Variants in KCND2 observed in about 807,000 individuals in gnomAD.
KCND2 encodes the protein potassium voltage-gated channel subfamily D member 2, also known as A-type voltage-gated potassium channel KCND2.
In KCND2, 16 loss-of-function variants were observed where a neutral mutation model predicts 54.4. The ratio of observed to expected loss-of-function variants is 0.29; its 90% CI spans 0.20 to 0.45. KCND2 has a LOEUF of 0.45. KCND2 is among the 20% of genes least tolerant of loss of function. KCND2 has a pLI of 1.00. For synonymous variants in KCND2, 317 were observed against 310.7 expected, an observed-to-expected ratio of 1.02 and a Z score of -0.21; for missense variants, 486 against 824.2, an observed-to-expected ratio of 0.59 and a Z score of 5.02.
chr7:120,431,171 T>A (rs1801783703), intron 1 of KCND2, among the ~76,000 whole-genome samples: 1 of 152,124 alleles, frequency 6.6e-6, no homozygotes, highest in Non-Finnish European at 1.5e-5. Context: ...AAGAAATTAG[T>A]AAAAGGTAAA....
At chr7:120,412,284 A>G (rs958834852) in intron 1 of KCND2, among the ~76,000 whole-genome samples, 16 of 152,046 alleles carry the variant, frequency 1.1e-4, no homozygotes, top group African/African-American at 3.9e-4. Context: ...CTCTCTTGAA[A>G]ATTCAGAATG....
intron 1 of KCND2, among the ~76,000 whole-genome samples, chr7:120,507,001 A>G (rs1039625158): frequency 4.0e-5 from 6 of 151,876 alleles, no homozygotes; most frequent in Non-Finnish European, 2.9e-5. Context: ...ACACCTGTGC[A>G]TTTACATGTA....
rs375895332 is a variant in KCND2 at position 120,319,889 on chromosome 7, A to G, written c.1115+44142A>G. Among the ~76,000 whole-genome samples, 4 of 152,122 alleles carry G rather than the reference A, an allele frequency of 2.6e-5. No individual in the cohort carries two copies. The East Asian group carries it at 5.8e-4, about 22-fold the overall frequency. On this transcript the variant is annotated intron_variant, in intron 1 of 5. Coordinates refer to ENST00000331113, the MANE Select transcript of KCND2 (RefSeq NM_012281.3). ...TTAGTATCATGCTGCTTTTAAAGCCATGCAGTTTTTTGTTTTTTGTTCTTC... is the reference window on the plus strand; with the variant it reads ...TTAGTATCATGCTGCTTTTAAAGCCGTGCAGTTTTTTGTTTTTTGTTCTTC...
intron 1 of KCND2, among the ~76,000 whole-genome samples, chr7:120,408,777 C>G (rs1056744019): frequency 6.6e-6 from 1 of 151,722 alleles, no homozygotes; most frequent in Non-Finnish European, 1.5e-5. Flanking sequence ...TACTCTTTTT[C>G]CCTCCTTCTT....
chr7:120,747,120 C>T (rs889427781), intron 5 of KCND2, among the ~76,000 whole-genome samples: 5 of 152,090 alleles, frequency 3.3e-5, no homozygotes, highest in Non-Finnish European at 7.4e-5. Flanking sequence ...CTTTTATCCC[C>T]TTCCCCACAT....
chr7:120,608,065 T>A (rs1390314330), intron 1 of KCND2, among the ~76,000 whole-genome samples: 1 of 151,938 alleles, frequency 6.6e-6, no homozygotes, highest in African/African-American at 2.4e-5. Flanking sequence ...ATTACAAAAT[T>A]AGACCTATGT....
chr7:120,481,210 A>C (rs2116280246), intron 1 of KCND2, among the ~76,000 whole-genome samples: 1 of 152,302 alleles, frequency 6.6e-6, no homozygotes, highest in Non-Finnish European at 1.5e-5. Flanking sequence ...TTCATGCCTG[A>C]GGGCTTTATG....
At chr7:120,686,514 T>A (rs138843153) in intron 1 of KCND2, among the ~76,000 whole-genome samples, 120 of 152,008 alleles carry the variant, frequency 7.9e-4, no homozygotes, top group Non-Finnish European at 1.5e-3. Context: ...TAAGACAGAG[T>A]TGGAGGCAAG....
intron 1 of KCND2, among the ~76,000 whole-genome samples, chr7:120,672,304 A>G (rs2116574780): frequency 6.6e-6 from 1 of 152,236 alleles, no homozygotes; most frequent in South Asian, 2.1e-4. Flanking sequence ...TCATTCACTC[A>G]AACTCTAAAA....
intron 1 of KCND2, among the ~76,000 whole-genome samples, chr7:120,372,350 T>G (rs1584751434): frequency 6.6e-6 from 1 of 151,878 alleles, no homozygotes; most frequent in Non-Finnish European, 1.5e-5. Context: ...CAAGTTGATC[T>G]GAAAATGAAA....
At chr7:120,564,021 C>T (rs1363112696) in intron 1 of KCND2, among the ~76,000 whole-genome samples, 1 of 151,916 alleles carries the variant, frequency 6.6e-6, no homozygotes, top group Middle Eastern at 3.2e-3. Flanking sequence ...AGACATATAC[C>T]AGCAGAAGAA....
intron 1 of KCND2, among the ~76,000 whole-genome samples, chr7:120,579,011 A>T (rs186280291): frequency 6.6e-6 from 1 of 152,170 alleles, no homozygotes; most frequent in Admixed American, 6.5e-5. Flanking sequence ...ATAAAATAAA[A>T]TTTTTTCCTA....
chr7:120,643,319 T>C (rs896331768), intron 1 of KCND2, among the ~76,000 whole-genome samples: 2 of 152,122 alleles, frequency 1.3e-5, no homozygotes, highest in African/African-American at 4.8e-5. Context: ...AATGTCAACA[T>C]AGAATGAGAA....
chr7:120,633,500 A>G (rs1793264352), intron 1 of KCND2, among the ~76,000 whole-genome samples: 1 of 152,232 alleles, frequency 6.6e-6, no homozygotes, highest in Non-Finnish European at 1.5e-5. Flanking sequence ...TTACTTTGAC[A>G]ATAAAATACA....
At chr7:120,506,127 A>T (rs1046152956) in intron 1 of KCND2, among the ~76,000 whole-genome samples, 1 of 151,348 alleles carries the variant, frequency 6.6e-6, no homozygotes, top group Non-Finnish European at 1.5e-5. Flanking sequence ...GATTTTTGAA[A>T]TTTTTTTTTC....
intron 1 of KCND2, among the ~76,000 whole-genome samples, chr7:120,335,631 G>A (rs191629434): frequency 4.5e-4 from 68 of 151,498 alleles, no homozygotes; most frequent in African/African-American, 1.4e-3. Context: ...GACTACAGGC[G>A]CCCCCCACCA....
In KCND2 at chr7:120,588,688, G is replaced by T. The variant is rs186941458; in HGVS notation, c.1116-144215G>T. ...AAGCTTGTGAAGAAAACTGTGTTCA[G>T]TCACCAATTACAATGAAAACTCTAA... On this transcript the variant is annotated intron_variant, in intron 1 of 5. Transcript: ENST00000331113. 3.5e-4 allele frequency among the ~76,000 whole-genome samples: 54 copies of T among 152,260 alleles called. 1 individual carries two copies. In the East Asian group the frequency reaches 0.01, roughly 29 times the overall value.
At chr7:120,302,300 C>T (rs903006872) in intron 1 of KCND2, among the ~76,000 whole-genome samples, 1 of 152,272 alleles carries the variant, frequency 6.6e-6, no homozygotes, top group East Asian at 1.9e-4. Flanking sequence ...CACTCTTTTG[C>T]CCAGGCTGGA....
In KCND2 at chr7:120,465,776, A is replaced by T. The variant is rs570769795; in HGVS notation, c.1115+190029A>T. ...GTGAGCATCACCTTGTATTTGTAGT[A>T]TTTAAAGTCTTAAGTATGAAAGAAT... is the stretch of plus-strand genomic sequence containing the variant. On this transcript the variant is annotated intron_variant, in intron 1 of 5. Transcript: ENST00000331113. 2.6e-5 allele frequency among the ~76,000 whole-genome samples: 4 copies of T among 152,328 alleles called. No homozygotes were observed. In the South Asian group the frequency reaches 8.3e-4, roughly 32 times the overall value.
Sources: gnomAD v4.1 joint callset for allele counts (sites outside exome capture counted in the v4.1 genomes callset) on GRCh38, gnomAD v4.1.1 for gene constraint, MANE v1.5 for transcripts, NCBI Gene and HGNC (gene_info 2026-07-23, HGNC 2026-07-21) for gene names.